Variants in OSBP2 observed in about 807,000 individuals in gnomAD.
OSBP2 encodes the protein oxysterol-binding protein 2.
Under a neutral mutation model 96.0 loss-of-function variants are expected in OSBP2, and 66 were observed. The observed-to-expected ratio is 0.69, with a 90% CI of 0.56 to 0.84. The LOEUF is 0.84. Ranked by LOEUF, OSBP2 falls within the 40% of genes least tolerant of loss-of-function variation. The pLI is 0.00. For missense variants in OSBP2, 1,038 were observed against 1,222.7 expected (o/e 0.85, Z 2.25); for synonymous variants, 525 against 520.9 (o/e 1.01, Z -0.11).
chr22:30,817,466 A>G (rs996892368), intron 2 of OSBP2, among the ~76,000 whole-genome samples: 4 of 152,164 alleles, frequency 2.6e-5, no homozygotes, highest in Non-Finnish European at 5.9e-5. Flanking sequence ...TCTTGCTCCC[A>G]TGGGACTCCC....
At chr22:30,858,766 C>G (rs1376039886) in intron 2 of OSBP2, among the ~76,000 whole-genome samples, 1 of 151,460 alleles carries the variant, frequency 6.6e-6, no homozygotes, top group African/African-American at 2.4e-5. Flanking sequence ...GTAATCCCAG[C>G]TACTCAGGAG....
intron 2 of OSBP2, among the ~76,000 whole-genome samples, chr22:30,747,177 G>T (rs936910896): frequency 2.0e-5 from 3 of 152,234 alleles, no homozygotes; most frequent in Admixed American, 6.5e-5. Context: ...AATCCATAGT[G>T]ATAGAAAGCA....
At chr22:30,861,913 C>T (rs961818081) in intron 2 of OSBP2, among the ~76,000 whole-genome samples, 1 of 152,188 alleles carries the variant, frequency 6.6e-6, no homozygotes, top group Non-Finnish European at 1.5e-5. Flanking sequence ...GGCTCCTGCC[C>T]CTTCCTCTCC....
At chr22:30,883,523 A>G (rs1302142882) in intron 3 of OSBP2, among the ~76,000 whole-genome samples, 1 of 152,240 alleles carries the variant, frequency 6.6e-6, no homozygotes, top group Non-Finnish European at 1.5e-5. Context: ...GCTGGAACCA[A>G]GACTAACTTG....
At chr22:30,868,614 G>A (rs926249568) in intron 2 of OSBP2, among the ~76,000 whole-genome samples, 1 of 152,260 alleles carries the variant, frequency 6.6e-6, no homozygotes, top group African/African-American at 2.4e-5. Context: ...CATGAGAGGG[G>A]CAGGCGGTCA....
At chr22:30,812,595 C>G (rs191781872) in intron 2 of OSBP2, among the ~76,000 whole-genome samples, 1 of 152,202 alleles carries the variant, frequency 6.6e-6, no homozygotes, top group East Asian at 1.9e-4. Context: ...TCTCCCTCTA[C>G]GTGCATCTTT....
intron 2 of OSBP2, among the ~76,000 whole-genome samples, chr22:30,777,997 T>A (rs550580008): frequency 2.0e-5 from 3 of 151,980 alleles, no homozygotes; most frequent in Non-Finnish European, 1.5e-5. Flanking sequence ...GAGCTTATTT[T>A]ATTTATTTAT....
At chr22:30,738,435 G>A (rs1015958707) in intron 1 of OSBP2, among the ~76,000 whole-genome samples, 1 of 151,958 alleles carries the variant, frequency 6.6e-6, no homozygotes, top group Non-Finnish European at 1.5e-5. Flanking sequence ...ACTGTCCTTC[G>A]AACAAAAGAT....
At chr22:30,791,742 G>A (rs2090679129) in intron 2 of OSBP2, among the ~76,000 whole-genome samples, 2 of 152,300 alleles carry the variant, frequency 1.3e-5, no homozygotes, top group South Asian at 4.1e-4. Flanking sequence ...AAAATGAATT[G>A]TTGAATGGAA....
intron 3 of OSBP2, among the ~76,000 whole-genome samples, chr22:30,875,918 C>G (rs1383450900): frequency 6.6e-6 from 1 of 152,270 alleles, no homozygotes; most frequent in Non-Finnish European, 1.5e-5. Flanking sequence ...CCAGCAAACT[C>G]TTAAAGTGAC....
chr22:30,828,159 G>A (rs937936076), intron 2 of OSBP2, among the ~76,000 whole-genome samples: 14 of 152,216 alleles, frequency 9.2e-5, no homozygotes, highest in Non-Finnish European at 1.5e-4. Flanking sequence ...ATTAGAAAGA[G>A]GCTAAATGCC....
chr22:30,844,145 G>C (rs2038818552), intron 2 of OSBP2, among the ~76,000 whole-genome samples: 1 of 152,146 alleles, frequency 6.6e-6, no homozygotes, highest in African/African-American at 2.4e-5. Flanking sequence ...AAAGTGGTAG[G>C]ATTACAAGCA....
At chr22:30,694,819 G>C (rs1281758119), upstream of OSBP2, 1 of 578,112 alleles carries the variant, frequency 1.7e-6, no homozygotes, top group Admixed American at 6.5e-5. Flanking sequence ...CCCGCCTCGC[G>C]CCGCGCGCAC....
chr22:30,827,303 C>A (rs2038425213), intron 2 of OSBP2, among the ~76,000 whole-genome samples: 1 of 152,038 alleles, frequency 6.6e-6, no homozygotes, highest in African/African-American at 2.4e-5. Flanking sequence ...TAGTGCTGAC[C>A]CCATTTATGT....
At chr22:30,864,883 G>A (rs1164219071) in intron 2 of OSBP2, among the ~76,000 whole-genome samples, 1 of 151,926 alleles carries the variant, frequency 6.6e-6, no homozygotes, top group African/African-American at 2.4e-5. Context: ...CACGGGCAGT[G>A]AGGGCAAAGT....
intron 1 of OSBP2, among the ~76,000 whole-genome samples, chr22:30,706,637 C>G (rs976130939): frequency 1.3e-5 from 2 of 152,146 alleles, no homozygotes; most frequent in South Asian, 4.1e-4. Flanking sequence ...TGACCCTCGG[C>G]GTGATAGTCA....
chr22:30,886,298 AT>A (rs1311504993), intron 3 of OSBP2, among the ~76,000 whole-genome samples: 1 of 152,152 alleles, frequency 6.6e-6, no homozygotes, highest in African/African-American at 2.4e-5. Flanking sequence ...AAATTTAAAC[AT>A]TTTCTGGTTG....
At chr22:30,832,738 G>A (rs917304528) in intron 2 of OSBP2, among the ~76,000 whole-genome samples, 1 of 152,106 alleles carries the variant, frequency 6.6e-6, no homozygotes, top group Non-Finnish European at 1.5e-5. Flanking sequence ...AACTTCTCAG[G>A]GGCCTCCGAA....
At chr22:30,736,825 G>A (rs771673413) in intron 1 of OSBP2, among the ~76,000 whole-genome samples, 1 of 151,878 alleles carries the variant, frequency 6.6e-6, no homozygotes, top group African/African-American at 2.4e-5. Flanking sequence ...ATTTTTCTGT[G>A]TCCATAATTT....
Sources: allele counts gnomAD v4.1 joint callset (sites outside exome capture counted in the v4.1 genomes callset), GRCh38; gene constraint gnomAD v4.1.1; transcripts MANE v1.5; gene names NCBI Gene and HGNC (gene_info 2026-07-23, HGNC 2026-07-21).